The following UBE4A variants were observed in gnomAD, a reference collection of about 807,000 sequenced individuals.
The protein encoded by UBE4A is ubiquitin conjugation factor E4 A.
UBE4A carries 48 observed loss-of-function variants against 117.9 expected under a neutral mutation model. The ratio of observed to expected loss-of-function variants is 0.41; its 90% CI spans 0.32 to 0.52. The LOEUF (loss-of-function observed/expected upper bound fraction) is 0.52, where lower values mean the gene tolerates loss of function less well. Ranked by LOEUF, UBE4A falls within the 20% of genes least tolerant of loss-of-function variation. UBE4A has a pLI of 0.33. For synonymous variants in UBE4A, 407 were observed against 450.0 expected (o/e 0.90, Z 1.21); for missense variants, 1,067 against 1,296.3 (o/e 0.82, Z 2.72).
intron 9 of UBE4A, among the ~76,000 whole-genome samples, chr11:118,375,880 T>C (rs1393334383): frequency 1.3e-5 from 2 of 152,216 alleles, no homozygotes; most frequent in African/African-American, 2.4e-5. Context: ...AGGGCTAAGC[T>C]ATGGGAGCAC....
At chr11:118,366,580 G>A (rs1948565001) in intron 2 of UBE4A, among the ~76,000 whole-genome samples, 1 of 152,178 alleles carries the variant, frequency 6.6e-6, no homozygotes, top group Admixed American at 6.5e-5. Context: ...GGTCCAACCT[G>A]TTTCCACTAG....
In UBE4A at chr11:118,381,488, T is replaced by A; in HGVS notation, c.1974T>A (p.Leu658=). The change falls in exon 12 of 20, where the codon CTT becomes CTA. Residue 658 remains leucine (L), a synonymous_variant. Transcript: ENST00000252108. The part of the protein sequence containing the change: ...ETSADSLEHV[L]HFITIFTGSI... ...CAGCAGATTCCCTGGAGCATGTCCT[T>A]CACTTTATCACCATTTTCACTGGAA... 1 of 1,614,150 alleles carries A rather than the reference T, an allele frequency of 6.2e-7. No homozygotes were observed. Among genetic ancestry groups the A allele is most frequent in the Non-Finnish European group, 8.5e-7 (1 of 1,180,000 alleles).
Position 118,371,050 on chromosome 11 carries a change from A to G in UBE4A, c.409-464A>G, listed in dbSNP as rs542191265. Among the ~76,000 whole-genome samples the G allele has an allele frequency of 1.8e-4, 28 of 152,358 alleles. 1 individual carries two copies. Among genetic ancestry groups the G allele is most frequent in the African/African-American group, 6.5e-4 (27 of 41,582 alleles). On this transcript the variant is annotated intron_variant, in intron 4 of 19. Transcript: ENST00000252108. ...TGTTGGAGACAAACATATAAACCAC[A>G]GCACTTTAAAAATCAAAACAGTGCG...
At position 118,384,951 on chromosome 11, in the gene UBE4A, A is replaced by G; in HGVS notation, c.2412+6A>G. 1.9e-6 allele frequency: 2 copies of G among 1,035,198 alleles called. No individual in the cohort carries two copies. Among genetic ancestry groups the G allele is most frequent in the Non-Finnish European group, 2.6e-6 (2 of 782,488 alleles). The allele number at this position is 1,035,198 out of a possible 1,614,324, so 64.1% of individuals were successfully genotyped here. On this transcript the variant is annotated splice_donor_region_variant and intron_variant, in intron 15 of 19. Coordinates refer to ENST00000252108, the MANE Select transcript of UBE4A (RefSeq NM_001204077.2). ...TTTTGGATGAAGCCATACAGGTAAA[A>G]AAAAAAAAAAAAAAAAAGATTTAAC...
At chr11:118,395,250 T>C (rs1361177651) in intron 19 of UBE4A, among the ~76,000 whole-genome samples, 2 of 150,466 alleles carry the variant, frequency 1.3e-5, no homozygotes, top group South Asian at 4.2e-4. Flanking sequence ...AATCCCTTGA[T>C]CCTGGGAGGC....
In UBE4A at chr11:118,373,122, T is replaced by A. The variant is rs1948622497; in HGVS notation, c.758T>A (p.Ile253Asn). ...EDVTEFLEEV[I>N]EALILDEEVR... ...GTAACTGAGTTTCTGGAAGAGGTCA[T>A]TGAAGCCTTGATATTGGATGAGGAA... The change falls in exon 7 of 20, where the codon ATT becomes AAT. Residue 253 changes from isoleucine (I) to asparagine (N), a missense_variant. Coordinates refer to ENST00000252108, the MANE Select transcript of UBE4A (RefSeq NM_001204077.2). 1 of 1,614,136 alleles carries A rather than the reference T, an allele frequency of 6.2e-7. No homozygotes were observed. Among genetic ancestry groups the A allele is most frequent in the Non-Finnish European group, 8.5e-7 (1 of 1,180,024 alleles).
intron 1 of UBE4A, among the ~76,000 whole-genome samples, chr11:118,362,232 C>T (rs748897360): frequency 6.6e-6 from 1 of 152,224 alleles, no homozygotes; most frequent in African/African-American, 2.4e-5. Flanking sequence ...AAGCAATTCT[C>T]CTGCCTCAGC....
chr11:118,391,040 T>C (rs1481286210), intron 18 of UBE4A, among the ~76,000 whole-genome samples: 1 of 152,002 alleles, frequency 6.6e-6, no homozygotes, highest in Non-Finnish European at 1.5e-5. Flanking sequence ...AAAAATCAGA[T>C]TGTCACCTCA....
chr11:118,390,480 A>G (rs1448253680), intron 17 of UBE4A, among the ~76,000 whole-genome samples, 177 bp from the exon 18 acceptor site: 1 of 145,538 alleles, frequency 6.9e-6, no homozygotes, highest in Admixed American at 7.0e-5. Context: ...TATAAATAAT[A>G]AATAATAAAA....
intron 18 of UBE4A, among the ~76,000 whole-genome samples, chr11:118,391,533 G>A (rs1459931128): frequency 1.3e-5 from 2 of 150,686 alleles, no homozygotes; most frequent in African/African-American, 2.4e-5. Flanking sequence ...GGTGGCTCAC[G>A]CCTGTAATCC....
chr11:118,373,348 C>T (rs1299023090), intron 7 of UBE4A, 60 bp downstream of exon 7: 1 of 1,580,072 alleles, frequency 6.3e-7, no homozygotes, highest in South Asian at 1.1e-5. Context: ...TGATGCTTCC[C>T]TATCCTGAAG....
chr11:118,381,345 G>A (rs782562398), intron 11 of UBE4A, 46 bp from the exon 12 acceptor site: 1 of 1,609,538 alleles, frequency 6.2e-7, no homozygotes, highest in African/African-American at 1.3e-5. Flanking sequence ...TATTAGTACA[G>A]ATATACAGAT....
At chr11:118,361,582 A>T (rs992127558) in intron 1 of UBE4A, among the ~76,000 whole-genome samples, 1 of 152,236 alleles carries the variant, frequency 6.6e-6, no homozygotes, top group Non-Finnish European at 1.5e-5. Flanking sequence ...CAGATTTGAC[A>T]TACGTGTGAA....
intron 16 of UBE4A, among the ~76,000 whole-genome samples, chr11:118,387,971 AT>A (rs1460187562): frequency 6.6e-6 from 1 of 152,218 alleles, no homozygotes; most frequent in Non-Finnish European, 1.5e-5. Flanking sequence ...CCAAAAATTA[AT>A]CAGCAGCTGG....
intron 4 of UBE4A, 109 bp downstream of exon 4, chr11:118,369,644 CT>C: frequency 1.6e-6 from 1 of 618,354 alleles, no homozygotes; most frequent in Non-Finnish European, 2.7e-6. Flanking sequence ...CCATCCCTCT[CT>C]CTTTTTTTTT....
In UBE4A at chr11:118,397,372, G is replaced by A. The variant is rs1948885157; in HGVS notation, c.*932G>A. Reference sequence around the variant, plus strand: ...TCTCTTCCATAGTGAGATGTATGCAGTATGTGGCCATGTTTACTAACATAC... The same window carrying A: ...TCTCTTCCATAGTGAGATGTATGCAATATGTGGCCATGTTTACTAACATAC... On this transcript the variant is annotated 3_prime_UTR_variant, in exon 20 of 20. Coordinates refer to ENST00000252108, the MANE Select transcript of UBE4A (RefSeq NM_001204077.2). 1 of 152,180 alleles carries A rather than the reference G, an allele frequency of 6.6e-6. No homozygotes were observed. The highest frequency in any genetic ancestry group is 2.4e-5 in the African/African-American group (1 of 41,436). The allele number at this position is 152,180 out of a possible 1,614,324, so 9.4% of individuals were successfully genotyped here.
At chr11:118,391,361 C>T (rs1948814575) in intron 18 of UBE4A, among the ~76,000 whole-genome samples, 1 of 151,378 alleles carries the variant, frequency 6.6e-6, no homozygotes, top group Non-Finnish European at 1.5e-5. Context: ...TGGTGGCAGG[C>T]GCCTGTAATC....
chr11:118,370,472 T>A (rs1378592944), intron 4 of UBE4A, among the ~76,000 whole-genome samples: 2 of 151,966 alleles, frequency 1.3e-5, no homozygotes, highest in African/African-American at 4.8e-5. Context: ...ATACAAAGAA[T>A]TAACTGGGTG....
At chr11:118,396,106 AAAAG>A (rs1405631480) in intron 19 of UBE4A, among the ~76,000 whole-genome samples, 18 of 152,084 alleles carry the variant, frequency 1.2e-4, no homozygotes, top group Non-Finnish European at 1.5e-4. Context: ...AAAAAAAAAA[AAAAG>A]AAAGAAAGAA....
Sources: allele counts gnomAD v4.1 joint callset (sites outside exome capture counted in the v4.1 genomes callset), GRCh38; gene constraint gnomAD v4.1.1; transcripts MANE v1.5; gene names NCBI Gene and HGNC (gene_info 2026-07-23, HGNC 2026-07-21).